C3orf70: variants seen among roughly 807,000 people sequenced by gnomAD.
C3orf70 encodes the protein chromosome 3 open reading frame 70, also known as UPF0524 protein C3orf70.
A neutral mutation model predicts 20.7 loss-of-function variants in C3orf70; 15 were observed. The ratio of observed to expected loss-of-function variants is 0.72; its 90% CI spans 0.48 to 1.11. The LOEUF (loss-of-function observed/expected upper bound fraction) is 1.11, where lower values mean the gene tolerates loss of function less well. Among genes scored for constraint, C3orf70 ranks in the 50% most tolerant of loss-of-function variants. The probability of loss-of-function intolerance (pLI) is 0.00; values close to 1 mark genes in which losing one functional copy is unlikely to be tolerated. For synonymous variants in C3orf70, 161 were observed against 125.7 expected, an observed-to-expected ratio of 1.28 and a Z score of -1.88; for missense variants, 332 against 317.6, an observed-to-expected ratio of 1.05 and a Z score of -0.34.
At chr3:185,102,227 G>A (rs1326980803) in intron 1 of C3orf70, among the ~76,000 whole-genome samples, 3 of 152,206 alleles carry the variant, frequency 2.0e-5, no homozygotes, top group East Asian at 3.9e-4. Context: ...AAAGTCTCAG[G>A]ATACAAATTC....
At chr3:185,100,292 C>T (rs1026039475) in intron 1 of C3orf70, among the ~76,000 whole-genome samples, 3 of 152,194 alleles carry the variant, frequency 2.0e-5, no homozygotes, top group Admixed American at 1.3e-4. Context: ...ATCACATAAT[C>T]GGACATAAAA....
chr3:185,105,663 T>C (rs1247577916), intron 1 of C3orf70, among the ~76,000 whole-genome samples: 6 of 152,226 alleles, frequency 3.9e-5, no homozygotes, highest in Non-Finnish European at 7.3e-5. Context: ...GTGTTTTTAA[T>C]TCCTCTAGTG....
intron 1 of C3orf70, among the ~76,000 whole-genome samples, chr3:185,109,391 C>T (rs1716014888): frequency 6.6e-6 from 1 of 152,184 alleles, no homozygotes; most frequent in Non-Finnish European, 1.5e-5. Flanking sequence ...CATCAAGACA[C>T]CTGAAACTTT....
chr3:185,135,196 G>C (rs1228373655), intron 1 of C3orf70, among the ~76,000 whole-genome samples: 1 of 151,882 alleles, frequency 6.6e-6, no homozygotes, highest in East Asian at 1.9e-4. Flanking sequence ...AGAGATGTTA[G>C]ACTGATTTGA....
chr3:185,105,467 C>A (rs13095916), intron 1 of C3orf70, among the ~76,000 whole-genome samples: 10,944 of 152,326 alleles, frequency 0.072, 453 homozygotes, highest in South Asian at 0.11. Flanking sequence ...CCAACCTATT[C>A]CTTTCATTCG....
intron 1 of C3orf70, among the ~76,000 whole-genome samples, chr3:185,124,678 T>A (rs1469163742): frequency 2.0e-5 from 3 of 151,972 alleles, no homozygotes; most frequent in Non-Finnish European, 4.4e-5. Context: ...TAAAAAAAAA[T>A]GTTAAATTGA....
In C3orf70 at chr3:185,081,234, G is replaced by C. The variant is rs185142180; in HGVS notation, c.*1773C>G. Reference sequence around the variant, plus strand: ...TCGAGACCATCCTGGCTAACATGGTGAAAGCCCGTCTCTACTAAAAATACA... The same window carrying C: ...TCGAGACCATCCTGGCTAACATGGTCAAAGCCCGTCTCTACTAAAAATACA... On this transcript the variant is annotated 3_prime_UTR_variant, in exon 2 of 2. Coordinates refer to ENST00000335012, the MANE Select transcript of C3orf70 (RefSeq NM_001025266.3). The C allele has an allele frequency of 4.2e-3, 635 of 152,266 alleles. 3 individuals are homozygous for C. Among genetic ancestry groups the C allele is most frequent in the Non-Finnish European group, 5.7e-3 (390 of 68,106 alleles). 9.4% of individuals were successfully genotyped at this position (152,266 alleles called of 1,614,324 possible). A position where few individuals can be genotyped will look rare whatever the true frequency, so the allele number is the denominator to read the frequency against.
In C3orf70 at chr3:185,153,000, C is replaced by G; in HGVS notation, c.-177G>C. On this transcript the variant is annotated 5_prime_UTR_variant, in exon 1 of 2. Coordinates refer to ENST00000335012, the MANE Select transcript of C3orf70 (RefSeq NM_001025266.3). ...AGGCTCGAGGAGGAGCCGCCCCGGG[C>G]GCTGCGACCGGGTCCGGGCTGGCAG... 5.8e-6 allele frequency: 2 copies of G among 345,016 alleles called. No homozygotes were observed. Among genetic ancestry groups the G allele is most frequent in the Non-Finnish European group, 9.5e-6 (2 of 211,236 alleles). 21.4% of individuals were successfully genotyped at this position (345,016 alleles called of 1,614,324 possible). A position where few individuals can be genotyped will look rare whatever the true frequency, so the allele number is the denominator to read the frequency against.
chr3:185,082,182 C>A lies in C3orf70; in HGVS notation c.*825G>T, dbSNP rs553013860. On this transcript the variant is annotated 3_prime_UTR_variant, in exon 2 of 2. Coordinates refer to ENST00000335012, the MANE Select transcript of C3orf70 (RefSeq NM_001025266.3). ...CCCCAGCTAGCCCCAGCCAAGTAAA[C>A]CTCATCCTTCCCCTGGGTTCCCAGA... The A allele has an allele frequency of 4.6e-5, 7 of 152,226 alleles. No individual in the cohort carries two copies. Among genetic ancestry groups the A allele is most frequent in the Admixed American group, 3.9e-4 (6 of 15,300 alleles). The allele number at this position is 152,226 out of a possible 1,614,324, so 9.4% of individuals were successfully genotyped here.
chr3:185,152,577 C>G, intron 1 of C3orf70, 51 bp downstream of exon 1: 1 of 1,480,760 alleles, frequency 6.8e-7, no homozygotes, highest in Middle Eastern at 1.8e-4. Context: ...GACGGCCCGG[C>G]GGGCGTCCCC....
At chr3:185,119,976 C>T (rs147704771) in intron 1 of C3orf70, among the ~76,000 whole-genome samples, 45 of 139,168 alleles carry the variant, frequency 3.2e-4, no homozygotes, top group Middle Eastern at 3.8e-3. Flanking sequence ...GAGCTGAGAT[C>T]GTGACACTGC....
chr3:185,109,473 G>A (rs1716017295), intron 1 of C3orf70, among the ~76,000 whole-genome samples: 1 of 152,122 alleles, frequency 6.6e-6, no homozygotes, highest in Non-Finnish European at 1.5e-5. Flanking sequence ...CCATGTCGAG[G>A]CTGATGCTGA....
chr3:185,136,617 G>C (rs184546163), intron 1 of C3orf70, among the ~76,000 whole-genome samples: 2 of 152,122 alleles, frequency 1.3e-5, no homozygotes, highest in Non-Finnish European at 2.9e-5. Context: ...CCAGCTACTC[G>C]GGAGGCTGAG....
chr3:185,116,907 T>C (rs192737324), intron 1 of C3orf70, among the ~76,000 whole-genome samples: 27 of 152,048 alleles, frequency 1.8e-4, no homozygotes, highest in Middle Eastern at 3.4e-3. Flanking sequence ...GCCTCCCAAG[T>C]AGCTGGGACT....
chr3:185,083,573 C>A lies in C3orf70; in HGVS notation c.197-10G>T. On this transcript the variant is annotated splice_polypyrimidine_tract_variant and intron_variant, in intron 1 of 1. Transcript: ENST00000335012. ...TGATACATGTATTTGCCTGTGAAGACACAAAAAGACACTTGAAATCTATAT... is the reference window on the plus strand; with the variant it reads ...TGATACATGTATTTGCCTGTGAAGAAACAAAAAGACACTTGAAATCTATAT... The A allele has an allele frequency of 1.3e-6, 2 of 1,550,868 alleles. No individual in the cohort carries two copies. Among genetic ancestry groups the A allele is most frequent in the Admixed American group, 1.9e-5 (1 of 51,304 alleles).
rs564436948 is a variant in C3orf70, at chr3:185,141,287, G to A, written c.196+11341C>T. ...TGGTGAGCATGTGGTAAAGAGGCTA[G>A]GCCAGTCATACATTGCTAGTGGGAA... On this transcript the variant is annotated intron_variant, in intron 1 of 1. Transcript: ENST00000335012. 3.4e-4 allele frequency among the ~76,000 whole-genome samples: 52 copies of A among 152,126 alleles called. No homozygotes were observed. The South Asian group carries it at 6.8e-3, about 20-fold the overall frequency.
intron 1 of C3orf70, among the ~76,000 whole-genome samples, chr3:185,119,345 T>C (rs539788507): frequency 1.3e-5 from 2 of 152,306 alleles, no homozygotes; most frequent in African/African-American, 2.4e-5. Context: ...ATGTTATATA[T>C]GGCACTTGAA....
intron 1 of C3orf70, among the ~76,000 whole-genome samples, chr3:185,140,972 A>AAAAAAAAAAG (rs1716739346): frequency 1.0e-5 from 1 of 99,908 alleles, no homozygotes; most frequent in African/African-American, 3.2e-5. Flanking sequence ...TTGTCACCAA[A>AAAAAAAAAAG]AAAAAAAAAG....
chr3:185,090,918 T>A (rs1715556105), intron 1 of C3orf70, among the ~76,000 whole-genome samples: 1 of 152,214 alleles, frequency 6.6e-6, no homozygotes, highest in South Asian at 2.1e-4. Flanking sequence ...TTCCTTCATT[T>A]TAAAATTGCA....
Sources: gnomAD v4.1 joint callset for allele counts (sites outside exome capture counted in the v4.1 genomes callset) on GRCh38, gnomAD v4.1.1 for gene constraint, MANE v1.5 for transcripts, NCBI Gene and HGNC (gene_info 2026-07-23, HGNC 2026-07-21) for gene names.